The following ZDBF2 variants were observed in gnomAD, a reference collection of about 807,000 sequenced individuals.
ZDBF2 encodes zinc finger DBF-type containing 2.
ZDBF2 carries 6 observed loss-of-function variants against 9.4 expected under a neutral mutation model. The ratio of observed to expected loss-of-function variants is 0.64; its 90% CI spans 0.35 to 1.27. The LOEUF is 1.27. ZDBF2 is among the 50% of genes most tolerant of loss of function. The probability of loss-of-function intolerance (pLI) is 0.03; values close to 1 mark genes in which losing one functional copy is unlikely to be tolerated. For synonymous variants in ZDBF2, 905 were observed against 946.3 expected (o/e 0.96, Z 0.80); for missense variants, 2,697 against 2,766.8 (o/e 0.97, Z 0.57).
chr2:206,310,288 T>C lies in ZDBF2; in HGVS notation c.5760T>C (p.His1920=). 1 of 1,613,914 alleles carries C rather than the reference T, an allele frequency of 6.2e-7. No individual in the cohort carries two copies. Among genetic ancestry groups the C allele is most frequent in the African/African-American group, 1.3e-5 (1 of 75,042 alleles). The change falls in exon 5 of 5, where the codon CAT becomes CAC. Residue 1920 remains histidine (H), a synonymous_variant. Transcript: ENST00000374423. The part of the protein sequence containing the change: ...SVALDKPCHR[H]PPAERPPKQK... ...CCTTAGATAAACCATGCCATCGTCATCCTCCAGCAGAGAGGCCTCCTAAGC... is the reference window on the plus strand; with the variant it reads ...CCTTAGATAAACCATGCCATCGTCACCCTCCAGCAGAGAGGCCTCCTAAGC...
intron 4 of ZDBF2, among the ~76,000 whole-genome samples, chr2:206,300,012 G>A (rs1427997686): frequency 6.6e-6 from 1 of 152,072 alleles, no homozygotes; most frequent in African/African-American, 2.4e-5. Flanking sequence ...GGGAGGCTGA[G>A]GCAGGAGAAT....
At chr2:206,275,869 T>A (rs1206439511) in intron 1 of ZDBF2, among the ~76,000 whole-genome samples, 1 of 152,218 alleles carries the variant, frequency 6.6e-6, no homozygotes, top group Non-Finnish European at 1.5e-5. Flanking sequence ...ACTTAATACG[T>A]GGAAGACCTT....
intron 3 of ZDBF2, among the ~76,000 whole-genome samples, chr2:206,283,002 G>A (rs147616734): frequency 9.2e-5 from 14 of 152,294 alleles, no homozygotes; most frequent in African/African-American, 1.7e-4. Context: ...TTAATGTAGC[G>A]TAATATTTTC....
At chr2:206,291,984 A>G (rs1691921733) in intron 3 of ZDBF2, 2 of 398,186 alleles carry the variant, frequency 5.0e-6, no homozygotes, top group Non-Finnish European at 8.9e-6. Flanking sequence ...TTTTCAGGAA[A>G]TAAAAATTAA....
intron 2 of ZDBF2, among the ~76,000 whole-genome samples, chr2:206,281,035 G>A (rs1310140065): frequency 1.3e-5 from 2 of 152,012 alleles, no homozygotes; most frequent in African/African-American, 2.4e-5. Context: ...AAATTACTGG[G>A]GGAATTTTAA....
At position 206,306,429 on chromosome 2, in the gene ZDBF2, C is replaced by T. The variant is rs770596906; in HGVS notation, c.1901C>T (p.Thr634Ile). The T allele has an allele frequency of 5.3e-5, 86 of 1,613,720 alleles. No individual in the cohort carries two copies. The highest frequency in any genetic ancestry group is 7.0e-5 in the Non-Finnish European group (82 of 1,179,812). Reference protein sequence around the residue: ...AHLDCDVSLGTVADESQRAVE... With the variant: ...AHLDCDVSLGIVADESQRAVE... ...CTTGATTGTGATGTCTCACTTGGGACAGTTGCAGATGAATCCCAGAGGGCT... is the reference window on the plus strand; with the variant it reads ...CTTGATTGTGATGTCTCACTTGGGATAGTTGCAGATGAATCCCAGAGGGCT... Residue 634 changes from threonine (T) to isoleucine (I), a missense_variant, in exon 5 of 5, where the codon ACA (threonine) becomes ATA (isoleucine). Physicochemically the swap from Thr to Ile is moderately conservative, Grantham distance 89. Coordinates refer to ENST00000374423, the MANE Select transcript of ZDBF2 (RefSeq NM_020923.3).
intron 4 of ZDBF2, among the ~76,000 whole-genome samples, chr2:206,301,183 A>G (rs1692483521): frequency 1.3e-5 from 2 of 152,078 alleles, no homozygotes; most frequent in African/African-American, 2.4e-5. Context: ...CCATTTTTCT[A>G]TGGAGTTCTT....
chr2:206,283,657 G>T (rs1432706555), intron 3 of ZDBF2, among the ~76,000 whole-genome samples: 1 of 151,922 alleles, frequency 6.6e-6, no homozygotes, highest in Non-Finnish European at 1.5e-5. Context: ...TCTGTGGGTT[G>T]TCTTATTACT....
Position 206,311,353 on chromosome 2 carries a change from A to C in ZDBF2, c.6825A>C (p.Pro2275=). ...TAKVLLNSSV[P]PAGAEELSSA... is the part of the protein sequence containing the mutation. ...AAGTGCTTTTGAACTCTTCAGTTCC[A>C]CCAGCTGGTGCCGAAGAGCTGTCAA... is the stretch of plus-strand genomic sequence containing the variant. Residue 2275 remains proline (P), a synonymous_variant, in exon 5 of 5, where the codon CCA becomes CCC. Coordinates refer to ENST00000374423, the MANE Select transcript of ZDBF2 (RefSeq NM_020923.3). 6.2e-7 allele frequency: 1 copy of C among 1,605,448 alleles called. No homozygotes were observed. Among genetic ancestry groups the C allele is most frequent in the Non-Finnish European group, 8.5e-7 (1 of 1,175,452 alleles).
intron 3 of ZDBF2, among the ~76,000 whole-genome samples, chr2:206,293,090 A>T (rs1435991276): frequency 6.6e-6 from 1 of 152,186 alleles, no homozygotes; most frequent in Non-Finnish European, 1.5e-5. Flanking sequence ...TTAGTCTTTA[A>T]AATAGTGCAG....
chr2:206,305,645 T>TCAGC lies in ZDBF2; in HGVS notation c.1118_1121dup (p.Asp376IlefsTer2). 1 of 1,613,768 alleles carries TCAGC rather than the reference T, an allele frequency of 6.2e-7. No homozygotes were observed. Among genetic ancestry groups the TCAGC allele is most frequent in the Non-Finnish European group, 8.5e-7 (1 of 1,179,804 alleles). On this transcript the variant is annotated frameshift_variant, in exon 5 of 5. Coordinates refer to ENST00000374423, the MANE Select transcript of ZDBF2 (RefSeq NM_020923.3). LOFTEE classifies it low-confidence loss of function (END_TRUNC). ...GAAGTTTGATTGTATCTCTCTTCAG[T>TCAGC]CAGCATCTGATCAGCCCCAAGAGAC...
chr2:206,311,448 A>C lies in ZDBF2; in HGVS notation c.6920A>C (p.Lys2307Thr). ...TGCCGCGTTGCAAGAAGGAGGAAGA[A>C]GACTGATGAAAGCTACCATGGCCGA... ...ASCRVARRRK[K>T]TDESYHGRQK... Residue 2307 changes from lysine to threonine, a missense_variant, in exon 5 of 5, where the codon AAG (lysine) becomes ACG (threonine). Lys to Thr is a moderately conservative substitution (Grantham distance 78). Coordinates refer to ENST00000374423, the MANE Select transcript of ZDBF2 (RefSeq NM_020923.3). 2 of 1,612,736 alleles carry C rather than the reference A, an allele frequency of 1.2e-6. No homozygotes were observed. Among genetic ancestry groups the C allele is most frequent in the Non-Finnish European group, 1.7e-6 (2 of 1,179,464 alleles).
Position 206,309,461 on chromosome 2 carries a change from G to C in ZDBF2, c.4933G>C (p.Glu1645Gln), listed in dbSNP as rs1245853224. The C allele has an allele frequency of 6.2e-7, 1 of 1,613,840 alleles. No individual in the cohort carries two copies. Among genetic ancestry groups the C allele is most frequent in the Admixed American group, 1.7e-5 (1 of 59,984 alleles). Reference protein sequence around the residue: ...SMTYESQGPDEKMVKYIDSED... With the variant: ...SMTYESQGPDQKMVKYIDSED... Reference sequence around the variant, plus strand: ...GACTTACGAGTCACAAGGACCTGATGAGAAAATGGTGAAATATATTGATTC... The same window carrying C: ...GACTTACGAGTCACAAGGACCTGATCAGAAAATGGTGAAATATATTGATTC... Residue 1645 changes from glutamate (E) to glutamine (Q), a missense_variant, in exon 5 of 5, where the codon GAG (glutamate) becomes CAG (glutamine). Glu to Gln is a conservative substitution (Grantham distance 29, BLOSUM62 2). This residue lies in a region of ZDBF2 where 1,783 missense variants were observed against 1,776.5 expected (regional missense o/e 1.00). Coordinates refer to ENST00000374423, the MANE Select transcript of ZDBF2 (RefSeq NM_020923.3).
Position 206,313,600 on chromosome 2 carries a change from T to G in ZDBF2, c.*2007T>G, listed in dbSNP as rs1277685978. 1 of 152,214 alleles carries G rather than the reference T, an allele frequency of 6.6e-6. No homozygotes were observed. The highest frequency in any genetic ancestry group is 2.4e-5 in the African/African-American group (1 of 41,468). 9.4% of individuals were successfully genotyped at this position (152,214 alleles called of 1,614,324 possible). ...TTATTAATAGACATTCTACAGTCTT[T>G]CAGTGTAAGTTTAAAAGCAAGAGAT... On this transcript the variant is annotated 3_prime_UTR_variant, in exon 5 of 5. Transcript: ENST00000374423.
intron 1 of ZDBF2, among the ~76,000 whole-genome samples, chr2:206,278,517 C>T (rs994154629): frequency 6.6e-6 from 1 of 152,166 alleles, no homozygotes; most frequent in Non-Finnish European, 1.5e-5. Context: ...GGTCTAAATT[C>T]TTTAGTATGC....
At chr2:206,302,251 C>T (rs867412240) in intron 4 of ZDBF2, among the ~76,000 whole-genome samples, 11 of 152,054 alleles carry the variant, frequency 7.2e-5, no homozygotes, top group African/African-American at 9.7e-5. Context: ...CTCAAGTGAT[C>T]CTCTCACTTG....
chr2:206,285,257 A>G (rs141996903), intron 3 of ZDBF2, among the ~76,000 whole-genome samples: 1 of 152,194 alleles, frequency 6.6e-6, no homozygotes, highest in Non-Finnish European at 1.5e-5. Context: ...AATAATTTGT[A>G]TTCCCACCAA....
chr2:206,278,287 A>G (rs1158162530), intron 1 of ZDBF2, among the ~76,000 whole-genome samples: 1 of 152,216 alleles, frequency 6.6e-6, no homozygotes, highest in Admixed American at 6.5e-5. Flanking sequence ...TTGTAAGCAT[A>G]CATGACTATG....
chr2:206,307,944 AC>A lies in ZDBF2; in HGVS notation c.3418del (p.Asn1142MetfsTer19). 1 of 1,613,742 alleles carries A rather than the reference AC, an allele frequency of 6.2e-7. No individual in the cohort carries two copies. Among genetic ancestry groups the A allele is most frequent in the South Asian group, 1.1e-5 (1 of 91,060 alleles). On this transcript the variant is annotated frameshift_variant, in exon 5 of 5. Transcript: ENST00000374423. LOFTEE classifies it low-confidence loss of function (END_TRUNC). ...DQPKVAIKHV[N>X]LGNENHMYLE... The stretch of plus-strand genomic sequence containing the variant: ...CCCAAAGTAGCTATTAAACATGTGA[AC>A]CTTGGGAATGAAAACCATATGTACT...
Sources: allele counts gnomAD v4.1 joint callset (sites outside exome capture counted in the v4.1 genomes callset), GRCh38; gene constraint gnomAD v4.1.1; regional missense constraint gnomAD v4.1.1; transcripts MANE v1.5; gene names NCBI Gene and HGNC (gene_info 2026-07-23, HGNC 2026-07-21).